FGG: variants seen among roughly 807,000 people sequenced by gnomAD.
The protein encoded by FGG is fibrinogen, gamma polypeptide.
In FGG, 20 loss-of-function variants were observed where a neutral mutation model predicts 51.7. The observed-to-expected ratio is 0.39, with a 90% CI of 0.27 to 0.56. The LOEUF is 0.56. Among genes scored for constraint, FGG ranks in the 20% least tolerant of loss-of-function variants. FGG has a pLI of 0.64. For synonymous variants in FGG, 184 were observed against 184.7 expected, an observed-to-expected ratio of 1.00 and a Z score of 0.03; for missense variants, 460 against 534.2, an observed-to-expected ratio of 0.86 and a Z score of 1.37.
chr4:154,604,947 T>C lies in FGG; in HGVS notation c.1249A>G (p.Arg417Gly). The C allele has an allele frequency of 6.2e-7, 1 of 1,614,128 alleles. No homozygotes were observed. Among genetic ancestry groups the C allele is most frequent in the Non-Finnish European group, 8.5e-7 (1 of 1,179,992 alleles). The change falls in exon 9 of 9, where the codon AGA becomes GGA. Residue 417 changes from arginine (R) to glycine (G), a missense_variant. Arg to Gly is a moderately radical substitution (Grantham distance 125, BLOSUM62 -2). Coordinates refer to ENST00000336098, the MANE Select transcript of FGG (RefSeq NM_021870.3). ...KTTMKIIPFN[R>G]LTIGEGQQHH... ...TGCTGTCCTTCTCCAATTGTGAGTC[T>C]GTTGAATGGGATTATCTTCATAGTG...
chr4:154,611,998 A>G lies in FGG; in HGVS notation c.307+20T>C, dbSNP rs778602399. ...AGATTATTATTATTATTTTTTGGTCAGTAGTCTTTATTTTCTCACTTGGTT... is the reference window on the plus strand; with the variant it reads ...AGATTATTATTATTATTTTTTGGTCGGTAGTCTTTATTTTCTCACTTGGTT... On this transcript the variant is annotated intron_variant, in intron 3 of 8. Transcript: ENST00000336098. 1.9e-5 allele frequency: 30 copies of G among 1,611,748 alleles called. 1 individual carries two copies. The highest frequency in any genetic ancestry group is 2.5e-5 in the Non-Finnish European group (30 of 1,178,940).
In FGG at chr4:154,604,596, T is replaced by C; in HGVS notation, c.*238A>G. On this transcript the variant is annotated 3_prime_UTR_variant, in exon 9 of 9. Coordinates refer to ENST00000336098, the MANE Select transcript of FGG (RefSeq NM_021870.3). The stretch of plus-strand genomic sequence containing the variant: ...AAAAATGCAAATAAAGTCAATCATT[T>C]TATTATTATATATTTAGGAACAAAG... 8.1e-7 allele frequency: 1 copy of C among 1,230,516 alleles called. No homozygotes were observed. The highest frequency in any genetic ancestry group is 1.1e-6 in the Non-Finnish European group (1 of 939,764). 76.2% of individuals were successfully genotyped at this position (1,230,516 alleles called of 1,614,324 possible).
intron 7 of FGG, among the ~76,000 whole-genome samples, chr4:154,607,975 A>T (rs920107662): frequency 2.0e-5 from 3 of 152,212 alleles, no homozygotes; most frequent in African/African-American, 7.2e-5. Context: ...ATAAATGGCC[A>T]TCAAGGCACT....
At position 154,610,139 on chromosome 4, in the gene FGG, C is replaced by A. The variant is rs376729836; in HGVS notation, c.460G>T (p.Val154Leu). ...TGGCACTGTGCTTCAAGCTGGGCTACCTTCTCTTTCAGGTTAACAATCTTT... is the reference window on the plus strand; with the variant it reads ...TGGCACTGTGCTTCAAGCTGGGCTAACTTCTCTTTCAGGTTAACAATCTTT... Reference protein sequence around the residue: ...NQKIVNLKEKVAQLEAQCQEP... With the variant: ...NQKIVNLKEKLAQLEAQCQEP... Residue 154 changes from valine to leucine, a missense_variant, in exon 5 of 9, where the codon GTA (valine) becomes TTA (leucine). Physicochemically the swap from Val to Leu is conservative, Grantham distance 32. Coordinates refer to ENST00000336098, the MANE Select transcript of FGG (RefSeq NM_021870.3). The A allele has an allele frequency of 2.5e-6, 4 of 1,610,544 alleles. No individual in the cohort carries two copies. In the African/African-American group the frequency reaches 5.3e-5, roughly 21 times the overall value.
chr4:154,608,660 C>G lies in FGG; in HGVS notation c.667-10G>C, dbSNP rs886059155. The G allele has an allele frequency of 3.4e-5, 54 of 1,608,382 alleles. No homozygotes were observed. Among genetic ancestry groups the G allele is most frequent in the Non-Finnish European group, 4.4e-5 (52 of 1,178,910 alleles). On this transcript the variant is annotated splice_polypyrimidine_tract_variant and intron_variant, in intron 6 of 8. Coordinates refer to ENST00000336098, the MANE Select transcript of FGG (RefSeq NM_021870.3). ...CACTGCCATCAAGTCTCTAATTACACATTTGCAAGAGCAAAAGGAGAAAAT... is the reference window on the plus strand; with the variant it reads ...CACTGCCATCAAGTCTCTAATTACAGATTTGCAAGAGCAAAAGGAGAAAAT...
chr4:154,604,926 G>T lies in FGG; in HGVS notation c.1270C>A (p.Gln424Lys), dbSNP rs1371027529. The part of the protein sequence containing the change: ...PFNRLTIGEG[Q>K]QHHLGGAKQV... ...TTGGCTCCCCCCAGGTGGTGTTGCT[G>T]TCCTTCTCCAATTGTGAGTCTGTTG... Residue 424 changes from glutamine to lysine, a missense_variant, in exon 9 of 9, where the codon CAG becomes AAG. Physicochemically the swap from Gln to Lys is moderately conservative, Grantham distance 53. Coordinates refer to ENST00000336098, the MANE Select transcript of FGG (RefSeq NM_021870.3). 1 of 1,614,062 alleles carries T rather than the reference G, an allele frequency of 6.2e-7. No individual in the cohort carries two copies. Among genetic ancestry groups the T allele is most frequent in the South Asian group, 1.1e-5 (1 of 91,078 alleles).
In FGG at chr4:154,606,877, A is replaced by G. The variant is rs1350651232; in HGVS notation, c.957T>C (p.Phe319=). 4.3e-6 allele frequency: 7 copies of G among 1,613,832 alleles called. No individual in the cohort carries two copies. The African/African-American group carries it at 8.0e-5, about 18-fold the overall frequency. The part of the protein sequence containing the change: ...GGDAGDAFDG[F]DFGDDPSDKF... ...TGTCACTAGGATCATCGCCAAAATCAAAGCCATCAAAGGCATCTCCAGCAT... is the reference window on the plus strand; with the variant it reads ...TGTCACTAGGATCATCGCCAAAATCGAAGCCATCAAAGGCATCTCCAGCAT... The change falls in exon 8 of 9, where the codon TTT becomes TTC. Residue 319 remains phenylalanine, a synonymous_variant. Transcript: ENST00000336098.
chr4:154,608,402 T>C lies in FGG; in HGVS notation c.851+64A>G, dbSNP rs1731138472. The C allele has an allele frequency of 4.0e-6, 6 of 1,481,814 alleles. No individual in the cohort carries two copies. The South Asian group carries it at 7.1e-5, about 17-fold the overall frequency. The allele number at this position is 1,481,814 out of a possible 1,614,324, so 91.8% of individuals were successfully genotyped here. ...TGCATTTGCCATTGTCTATTGATAG[T>C]TGGAAAGTGCACATTCCAGGCAATC... is the stretch of plus-strand genomic sequence containing the variant. On this transcript the variant is annotated intron_variant, in intron 7 of 8. Transcript: ENST00000336098.
chr4:154,609,927 A>G, intron 5 of FGG, 140 bp downstream of exon 5: 1 of 1,496,222 alleles, frequency 6.7e-7, no homozygotes, highest in Middle Eastern at 1.7e-4. Context: ...TAGCTATTCA[A>G]GAAAGGTCTA....
intron 4 of FGG, among the ~76,000 whole-genome samples, chr4:154,610,552 A>G (rs1731192020): frequency 6.6e-6 from 1 of 152,164 alleles, no homozygotes; most frequent in Admixed American, 6.6e-5. Context: ...TACTTTATGC[A>G]TAAGGGACAG....
chr4:154,604,468 A>T lies in FGG; in HGVS notation c.*366T>A. On this transcript the variant is annotated 3_prime_UTR_variant, in exon 9 of 9. Coordinates refer to ENST00000336098, the MANE Select transcript of FGG (RefSeq NM_021870.3). ...GTAATAAACAAGGAAAATACCTGGGAATTTGAAACTCTAAAATGTTCTCCT... is the reference window on the plus strand; with the variant it reads ...GTAATAAACAAGGAAAATACCTGGGTATTTGAAACTCTAAAATGTTCTCCT... 2 of 1,113,200 alleles carry T rather than the reference A, an allele frequency of 1.8e-6. No individual in the cohort carries two copies. The highest frequency in any genetic ancestry group is 2.5e-6 in the Non-Finnish European group (2 of 807,340). 69.0% of individuals were successfully genotyped at this position (1,113,200 alleles called of 1,614,324 possible). A position where few individuals can be genotyped will look rare whatever the true frequency, so the allele number is the denominator to read the frequency against.
At chr4:154,609,000 A>G (rs1432020625) in intron 6 of FGG, among the ~76,000 whole-genome samples, 1 of 152,218 alleles carries the variant, frequency 6.6e-6, no homozygotes, top group Non-Finnish European at 1.5e-5. Context: ...CCATTGCTCA[A>G]TCGGTGTCTG....
At position 154,604,504 on chromosome 4, in the gene FGG, G is replaced by A. The variant is rs1731060125; in HGVS notation, c.*330C>T. 1 of 1,094,124 alleles carries A rather than the reference G, an allele frequency of 9.1e-7. No individual in the cohort carries two copies. The highest frequency in any genetic ancestry group is 3.5e-5 in the Admixed American group (1 of 28,544). The allele number at this position is 1,094,124 out of a possible 1,614,324, so 67.8% of individuals were successfully genotyped here. A position where few individuals can be genotyped will look rare whatever the true frequency, so the allele number is the denominator to read the frequency against. On this transcript the variant is annotated 3_prime_UTR_variant, in exon 9 of 9. Transcript: ENST00000336098. ...CTAAAATGTTCTCCTATTTTATTAA[G>A]TACATACTAAAATATTTGATATAAT... is the stretch of plus-strand genomic sequence containing the variant.
At chr4:154,612,338 C>T in intron 2 of FGG, 53 bp downstream of exon 2, 2 of 1,597,834 alleles carry the variant, frequency 1.3e-6, no homozygotes, top group Admixed American at 1.7e-5. Flanking sequence ...TATTTCTATT[C>T]CTCTGCCCCT....
intron 5 of FGG, 44 bp downstream of exon 5, chr4:154,610,023 C>T (rs2110847200): frequency 6.2e-7 from 1 of 1,611,894 alleles, no homozygotes; most frequent in African/African-American, 1.3e-5. Flanking sequence ...CTTTACATTA[C>T]TTACTTTGAT....
Position 154,604,536 on chromosome 4 carries a change from A to G in FGG, c.*298T>C. ...CTAAAATATTTGATATAATGAAAAT[A>G]ATTTACGAAGACAAAATAAATGACA... On this transcript the variant is annotated 3_prime_UTR_variant, in exon 9 of 9. Coordinates refer to ENST00000336098, the MANE Select transcript of FGG (RefSeq NM_021870.3). 1 of 1,128,008 alleles carries G rather than the reference A, an allele frequency of 8.9e-7. No homozygotes were observed. Among genetic ancestry groups the G allele is most frequent in the Non-Finnish European group, 1.2e-6 (1 of 845,772 alleles). 69.9% of individuals were successfully genotyped at this position (1,128,008 alleles called of 1,614,324 possible).
chr4:154,607,625 A>G (rs2066875), intron 7 of FGG, among the ~76,000 whole-genome samples: 2,629 of 152,252 alleles, frequency 0.017, 77 homozygotes, highest in African/African-American at 0.06. Flanking sequence ...AGAGTGGGGG[A>G]AAGGATGGGC....
At chr4:154,611,307 G>A (rs2110849330) in intron 4 of FGG, 1 of 156,058 alleles carries the variant, frequency 6.4e-6, no homozygotes, top group East Asian at 1.9e-4. Context: ...ATTCTGCAAT[G>A]ATCAATATGA....
intron 8 of FGG, among the ~76,000 whole-genome samples, chr4:154,605,997 G>T (rs1348342838): frequency 2.0e-5 from 3 of 152,166 alleles, no homozygotes; most frequent in Admixed American, 2.0e-4. Context: ...CTCCAACGGA[G>T]AGTCTGTTGA....
Sources: allele counts gnomAD v4.1 joint callset (sites outside exome capture counted in the v4.1 genomes callset), GRCh38; gene constraint gnomAD v4.1.1; transcripts MANE v1.5; gene names NCBI Gene and HGNC (gene_info 2026-07-23, HGNC 2026-07-21).